MESP1: variants seen among roughly 807,000 people sequenced by gnomAD.
MESP1 encodes mesoderm posterior protein 1.
In MESP1, 22 loss-of-function variants were observed where a neutral mutation model predicts 15.2. The ratio of observed to expected loss-of-function variants is 1.45; its 90% CI spans 1.04 to 2.07. MESP1 has a LOEUF of 2.07. MESP1 is among the 30% of genes most tolerant of loss of function. The pLI is 0.00. For synonymous variants in MESP1, 216 were observed against 192.6 expected, an observed-to-expected ratio of 1.12 and a Z score of -1.01; for missense variants, 484 against 411.9, an observed-to-expected ratio of 1.17 and a Z score of -1.51.
chr15:89,736,877 T>G, the MESP1 span, among the ~76,000 whole-genome samples: 3 of 151,492 alleles, frequency 2.0e-5, no homozygotes, highest in Admixed American at 1.3e-4. Flanking sequence ...CTGCAAGCTC[T>G]GCCTCCCGGG....
At position 89,749,948 on chromosome 15, in the gene MESP1, T is replaced by C. The variant is rs78592539; in HGVS notation, c.*196A>G. 7.6e-3 allele frequency: 4,610 copies of C among 607,414 alleles called. 174 individuals carry two copies. The African/African-American group carries it at 0.078, about 10-fold the overall frequency. 37.6% of individuals were successfully genotyped at this position (607,414 alleles called of 1,614,324 possible). Reference sequence around the variant, plus strand: ...AGCCTCCTGCTTGCCTCAAAGTGTCTAGCCCTATGGGTCCCTCCATGGAGG... The same window carrying C: ...AGCCTCCTGCTTGCCTCAAAGTGTCCAGCCCTATGGGTCCCTCCATGGAGG... On this transcript the variant is annotated 3_prime_UTR_variant, in exon 2 of 2. Transcript: ENST00000300057.
chr15:89,738,182 C>A, the MESP1 span: 1 of 1,614,092 alleles, frequency 6.2e-7, no homozygotes, highest in East Asian at 2.2e-5. Flanking sequence ...GATAACATGG[C>A]CTTCCCCCAA....
At position 89,750,500 on chromosome 15, in the gene MESP1, G is replaced by A. The variant is rs911890937; in HGVS notation, c.723+9C>T. ...CGGACGAAGGGGGCGCGGGGAAGGG[G>A]ACACTAACCGGGGACGGTGGGCTTG... On this transcript the variant is annotated intron_variant, in intron 1 of 1. Coordinates refer to ENST00000300057, the MANE Select transcript of MESP1 (RefSeq NM_018670.4). 2.0e-6 allele frequency: 3 copies of A among 1,495,404 alleles called. No individual in the cohort carries two copies. In the South Asian group the frequency reaches 4.0e-5, roughly 20 times the overall value. 92.6% of individuals were successfully genotyped at this position (1,495,404 alleles called of 1,614,324 possible).
chr15:89,737,967 C>G, the MESP1 span: 2 of 1,489,154 alleles, frequency 1.3e-6, no homozygotes, highest in Non-Finnish European at 1.8e-6. Context: ...CAGCCCCCAC[C>G]TGCTCACCTG....
the MESP1 span, among the ~76,000 whole-genome samples, chr15:89,736,690 C>CA: frequency 6.6e-6 from 1 of 151,928 alleles, no homozygotes; most frequent in African/African-American, 2.4e-5. Flanking sequence ...AGCTGGGAGA[C>CA]AGACGCAGGA....
At chr15:89,735,295 G>C in the MESP1 span, among the ~76,000 whole-genome samples, 3 of 152,118 alleles carry the variant, frequency 2.0e-5, no homozygotes, top group Non-Finnish European at 4.4e-5. Context: ...ATATTTCATT[G>C]TATAAGATAC....
At chr15:89,740,089 A>AT in the MESP1 span, among the ~76,000 whole-genome samples, 5 of 151,954 alleles carry the variant, frequency 3.3e-5, no homozygotes, top group African/African-American at 4.8e-5. Context: ...ATGATGCCTG[A>AT]TTTTTTTTGG....
chr15:89,746,594 C>G (rs1967961961), downstream of MESP1, among the ~76,000 whole-genome samples: 2 of 149,850 alleles, frequency 1.3e-5, no homozygotes, highest in African/African-American at 4.9e-5. Flanking sequence ...CACACGCAGC[C>G]CCGCCTCCAC....
At chr15:89,742,655 TC>T in the MESP1 span, among the ~76,000 whole-genome samples, 1 of 152,172 alleles carries the variant, frequency 6.6e-6, no homozygotes, top group Non-Finnish European at 1.5e-5. Context: ...TGCCTCAGCC[TC>T]CTGAGTAGCT....
chr15:89,750,326 G>T lies in MESP1; in HGVS notation c.724-99C>A. On this transcript the variant is annotated intron_variant, in intron 1 of 1. Coordinates refer to ENST00000300057, the MANE Select transcript of MESP1 (RefSeq NM_018670.4). ...CACTCTCAGGGGGCCCCTAGCGAGG[G>T]GAGACCCAGTCCTCTGCGTGGCCTT... 12 of 1,560,394 alleles carry T rather than the reference G, an allele frequency of 7.7e-6. No individual in the cohort carries two copies. The South Asian group carries it at 1.0e-4, about 13-fold the overall frequency.
At chr15:89,736,179 G>T in the MESP1 span, among the ~76,000 whole-genome samples, 1 of 152,174 alleles carries the variant, frequency 6.6e-6, no homozygotes, top group Non-Finnish European at 1.5e-5. Flanking sequence ...ATCTCAGTTC[G>T]GCGATGGACT....
the MESP1 span, chr15:89,735,689 A>G: frequency 1.1e-6 from 1 of 871,308 alleles, no homozygotes; most frequent in South Asian, 1.6e-5. Context: ...CGGGTTTACA[A>G]ATAGAAAGAG....
chr15:89,740,604 C>T, the MESP1 span, among the ~76,000 whole-genome samples: 4 of 152,218 alleles, frequency 2.6e-5, no homozygotes, highest in South Asian at 6.2e-4. Context: ...CGGGTTCAAG[C>T]GATTCTCCTG....
At position 89,750,939 on chromosome 15, in the gene MESP1, A is replaced by G; in HGVS notation, c.293T>C (p.Leu98Pro). The change falls in exon 1 of 2, where the codon CTG (leucine) becomes CCG (proline). Residue 98 changes from leucine (L) to proline (P), a missense_variant. Coordinates refer to ENST00000300057, the MANE Select transcript of MESP1 (RefSeq NM_018670.4). ...SEREKLRMRT[L>P]ARALHELRRF... ...GCGCAGCTCGTGCAGGGCGCGGGCC[A>G]GCGTGCGCATGCGCAGTTTCTCCCG... is the stretch of plus-strand genomic sequence containing the variant. 6.9e-7 allele frequency: 1 copy of G among 1,455,834 alleles called. No homozygotes were observed. The highest frequency in any genetic ancestry group is 9.0e-7 in the Non-Finnish European group (1 of 1,107,864). The allele number at this position is 1,455,834 out of a possible 1,614,324, so 90.2% of individuals were successfully genotyped here. A position where few individuals can be genotyped will look rare whatever the true frequency, so the allele number is the denominator to read the frequency against.
the MESP1 span, among the ~76,000 whole-genome samples, chr15:89,737,184 C>A: frequency 1.3e-5 from 2 of 152,270 alleles, no homozygotes; most frequent in South Asian, 4.2e-4. Flanking sequence ...GATCTCAGGC[C>A]AGGAGGGGCT....
chr15:89,746,933 CCA>C (rs56364935), downstream of MESP1, among the ~76,000 whole-genome samples: 78 of 106,616 alleles, frequency 7.3e-4, 1 homozygote, highest in South Asian at 9.7e-3. Flanking sequence ...AGCCCCACCT[CCA>C]CACACACACA....
intron 1 of MESP1, 77 bp from the exon 2 acceptor site, chr15:89,750,304 T>A: frequency 6.3e-7 from 1 of 1,581,690 alleles, no homozygotes. Context: ...TGGGCTCCAC[T>A]CTCAGGGGGC....
chr15:89,732,961 C>T, the MESP1 span: 2 of 1,593,432 alleles, frequency 1.3e-6, no homozygotes, highest in Non-Finnish European at 1.7e-6. Context: ...ATGGCCTCCT[C>T]CCCTACCCCG....
rs750901556 is a variant in MESP1, at chr15:89,751,108, A to G, written c.124T>C (p.Ser42Pro). 5 of 1,297,738 alleles carry G rather than the reference A, an allele frequency of 3.9e-6. No homozygotes were observed. In the South Asian group the frequency reaches 1.4e-4, roughly 36 times the overall value. The allele number at this position is 1,297,738 out of a possible 1,614,324, so 80.4% of individuals were successfully genotyped here. ...CGRSLVSSPDSWGSTPADSPV... is the reference protein window; with the variant it reads ...CGRSLVSSPDPWGSTPADSPV... ...CTGTCGGCTGGGGTGCTGCCCCATG[A>G]GTCTGGGGACGAGACGAGGGAGCGG... The change falls in exon 1 of 2, where the codon TCA becomes CCA. Residue 42 changes from serine (S) to proline (P), a missense_variant. Ser to Pro is a moderately conservative substitution (Grantham distance 74). Transcript: ENST00000300057.
Sources: allele counts gnomAD v4.1 joint callset (sites outside exome capture counted in the v4.1 genomes callset), GRCh38; gene constraint gnomAD v4.1.1; transcripts MANE v1.5; gene names NCBI Gene and HGNC (gene_info 2026-07-23, HGNC 2026-07-21).